Variants in RIT2 observed in about 807,000 individuals in gnomAD.
RIT2 encodes the protein Ras like without CAAX 2.
RIT2 carries 24 observed loss-of-function variants against 23.7 expected under a neutral mutation model. The observed-to-expected ratio is 1.01, with a 90% confidence interval of 0.73 to 1.43. RIT2 has a LOEUF of 1.43. RIT2 is among the 40% of genes most tolerant of loss of function. RIT2 has a pLI of 0.00. For missense variants in RIT2, 236 were observed against 266.9 expected, an observed-to-expected ratio of 0.88 and a Z score of 0.81; for synonymous variants, 107 against 91.1, an observed-to-expected ratio of 1.17 and a Z score of -0.99.
At chr18:42,905,767 C>G (rs758298327) in intron 4 of RIT2, among the ~76,000 whole-genome samples, 1 of 151,704 alleles carries the variant, frequency 6.6e-6, no homozygotes, top group Non-Finnish European at 1.5e-5. Context: ...GCCACCGTGC[C>G]CGGCCAAACA....
chr18:42,926,619 A>G (rs1461458209), intron 3 of RIT2, among the ~76,000 whole-genome samples: 1 of 151,960 alleles, frequency 6.6e-6, no homozygotes, highest in Non-Finnish European at 1.5e-5. Flanking sequence ...CAACATTCAC[A>G]GAGAATATTG....
chr18:42,973,377 T>C (rs1910406023), intron 3 of RIT2, among the ~76,000 whole-genome samples: 1 of 151,840 alleles, frequency 6.6e-6, no homozygotes, highest in African/African-American at 2.4e-5. Context: ...TCAAATTATA[T>C]GGTTTATGTC....
chr18:42,824,423 T>C (rs1906238141), intron 4 of RIT2, among the ~76,000 whole-genome samples: 2 of 152,060 alleles, frequency 1.3e-5, no homozygotes, highest in African/African-American at 4.8e-5. Context: ...ATTAAGTCAA[T>C]ATAAGAGTGC....
intron 4 of RIT2, among the ~76,000 whole-genome samples, chr18:42,750,275 G>A (rs1000631121): frequency 6.6e-6 from 1 of 151,716 alleles, no homozygotes. Flanking sequence ...CTATTGTTTA[G>A]TGTTAGGAGT....
intron 3 of RIT2, among the ~76,000 whole-genome samples, chr18:42,969,766 T>C (rs1192265005): frequency 1.3e-5 from 2 of 152,200 alleles, no homozygotes; most frequent in East Asian, 3.9e-4. Context: ...GTAAACATGA[T>C]ATATATTTTG....
intron 4 of RIT2, among the ~76,000 whole-genome samples, chr18:42,794,248 T>C (rs567180278): frequency 3.3e-5 from 5 of 152,266 alleles, no homozygotes; most frequent in African/African-American, 1.2e-4. Context: ...TCCCCAGGCA[T>C]AAAGAATGCA....
At chr18:42,959,668 T>A (rs1910053151) in intron 3 of RIT2, among the ~76,000 whole-genome samples, 1 of 152,210 alleles carries the variant, frequency 6.6e-6, no homozygotes, top group African/African-American at 2.4e-5. Flanking sequence ...GCCACTGTAC[T>A]CCATTTAGAC....
chr18:43,014,043 A>G (rs913580680), intron 2 of RIT2, among the ~76,000 whole-genome samples: 4 of 151,786 alleles, frequency 2.6e-5, no homozygotes, highest in African/African-American at 7.3e-5. Context: ...AAAATAAAAG[A>G]TAATTATGAA....
intron 4 of RIT2, among the ~76,000 whole-genome samples, chr18:42,849,873 G>C (rs1265739688): frequency 6.6e-6 from 1 of 151,990 alleles, no homozygotes; most frequent in Non-Finnish European, 1.5e-5. Flanking sequence ...GTCTGACAAG[G>C]GAAAAGCCAT....
chr18:42,909,346 G>A (rs1321487108), intron 4 of RIT2, among the ~76,000 whole-genome samples: 1 of 151,964 alleles, frequency 6.6e-6, no homozygotes, highest in African/African-American at 2.4e-5. Flanking sequence ...GTAGGGTGAG[G>A]AATAAAAGAG....
At chr18:42,923,546 A>G in intron 4 of RIT2, 26 bp downstream of exon 4, 1 of 1,601,648 alleles carries the variant, frequency 6.2e-7, no homozygotes, top group Non-Finnish European at 8.5e-7. Flanking sequence ...AAAAGACAGA[A>G]GCTACCAGAT....
At chr18:42,973,493 T>C (rs1194768666) in intron 3 of RIT2, among the ~76,000 whole-genome samples, 1 of 151,882 alleles carries the variant, frequency 6.6e-6, no homozygotes, top group Non-Finnish European at 1.5e-5. Flanking sequence ...CATGGAGATG[T>C]TTTAAATCTT....
At chr18:43,052,800 A>G (rs1912413648) in intron 1 of RIT2, among the ~76,000 whole-genome samples, 1 of 152,096 alleles carries the variant, frequency 6.6e-6, no homozygotes, top group African/African-American at 2.4e-5. Flanking sequence ...TCACACTCTA[A>G]TAATATACAT....
At chr18:42,819,354 T>C (rs1477050082) in intron 4 of RIT2, among the ~76,000 whole-genome samples, 1 of 152,010 alleles carries the variant, frequency 6.6e-6, no homozygotes, top group Non-Finnish European at 1.5e-5. Context: ...TGGAAAAACA[T>C]GTAAGGGATA....
chr18:43,112,491 C>T (rs1913976961), intron 1 of RIT2, among the ~76,000 whole-genome samples: 1 of 152,188 alleles, frequency 6.6e-6, no homozygotes, highest in South Asian at 2.1e-4. Context: ...TAAAATTCCT[C>T]ACATAAAGTA....
chr18:43,013,626 A>T (rs1911403113), intron 2 of RIT2, among the ~76,000 whole-genome samples: 1 of 151,844 alleles, frequency 6.6e-6, no homozygotes, highest in Non-Finnish European at 1.5e-5. Flanking sequence ...TGCATTATAC[A>T]GTGCTGAAGT....
chr18:42,756,939 A>C (rs1913179022), intron 4 of RIT2, among the ~76,000 whole-genome samples: 1 of 152,028 alleles, frequency 6.6e-6, no homozygotes, highest in Non-Finnish European at 1.5e-5. Flanking sequence ...AAACAATTAT[A>C]ATTAAATAAT....
chr18:43,089,860 T>C (rs113122453), intron 1 of RIT2, among the ~76,000 whole-genome samples: 2 of 152,112 alleles, frequency 1.3e-5, no homozygotes, highest in Non-Finnish European at 2.9e-5. Context: ...TAAAAATTGG[T>C]CCCCTTCCTT....
intron 4 of RIT2, among the ~76,000 whole-genome samples, chr18:42,814,619 G>T (rs569505403): frequency 1.3e-5 from 2 of 152,212 alleles, no homozygotes; most frequent in South Asian, 4.1e-4. Flanking sequence ...TCATCTGTTG[G>T]TCCTCTCTAC....
Sources: allele counts gnomAD v4.1 joint callset (sites outside exome capture counted in the v4.1 genomes callset), GRCh38; gene constraint gnomAD v4.1.1; transcripts MANE v1.5; gene names NCBI Gene and HGNC (gene_info 2026-07-23, HGNC 2026-07-21).